The following TRPC4 variants were observed in gnomAD, a reference collection of about 807,000 sequenced individuals.
TRPC4 encodes transient receptor potential cation channel subfamily C member 4, also known as short transient receptor potential channel 4.
Under a neutral mutation model 99.4 loss-of-function variants are expected in TRPC4, and 49 were observed. The observed-to-expected ratio is 0.49, with a 90% CI of 0.39 to 0.63. The LOEUF (loss-of-function observed/expected upper bound fraction) is 0.63, where lower values mean the gene tolerates loss of function less well. Ranked by LOEUF, TRPC4 falls within the 20% of genes least tolerant of loss-of-function variation. The pLI, the probability that TRPC4 is intolerant of heterozygous loss-of-function variation, is 0.00. For missense variants in TRPC4, 898 were observed against 1,152.9 expected (o/e 0.78, Z 3.20); for synonymous variants, 454 against 425.9 (o/e 1.07, Z -0.81).
chr13:37,717,216 A>T (rs1052260452), intron 3 of TRPC4, among the ~76,000 whole-genome samples: 6 of 152,210 alleles, frequency 3.9e-5, no homozygotes, highest in African/African-American at 1.2e-4. Context: ...TTAGAGATTT[A>T]TACTGAAGCT....
intron 5 of TRPC4, among the ~76,000 whole-genome samples, chr13:37,664,048 T>C (rs1952547784): frequency 6.6e-6 from 1 of 152,210 alleles, no homozygotes; most frequent in African/African-American, 2.4e-5. Context: ...GCTGAATTGC[T>C]AACTTTTTAC....
At chr13:37,739,826 T>C (rs965894960) in intron 3 of TRPC4, among the ~76,000 whole-genome samples, 1 of 152,056 alleles carries the variant, frequency 6.6e-6, no homozygotes, top group Non-Finnish European at 1.5e-5. Flanking sequence ...TCAAACTTAT[T>C]TTTTAAAAAT....
intron 1 of TRPC4, among the ~76,000 whole-genome samples, chr13:37,835,949 T>A (rs897012023): frequency 3.9e-5 from 6 of 152,240 alleles, no homozygotes; most frequent in Admixed American, 2.6e-4. Flanking sequence ...AAATCTCATC[T>A]TAAATTCCTG....
chr13:37,766,111 T>G (rs1956358360), intron 2 of TRPC4, among the ~76,000 whole-genome samples: 1 of 151,482 alleles, frequency 6.6e-6, no homozygotes, highest in African/African-American at 2.4e-5. Flanking sequence ...GAAGCCTACA[T>G]GCAGTGAAAT....
At chr13:37,844,228 A>T (rs1342623616) in intron 1 of TRPC4, among the ~76,000 whole-genome samples, 1 of 152,216 alleles carries the variant, frequency 6.6e-6, no homozygotes, top group Non-Finnish European at 1.5e-5. Context: ...AATGGTGTCA[A>T]ACCAGAGAGA....
intron 2 of TRPC4, among the ~76,000 whole-genome samples, chr13:37,761,495 G>A (rs1301923673): frequency 6.6e-6 from 1 of 151,880 alleles, no homozygotes; most frequent in East Asian, 1.9e-4. Context: ...TTCTAGCTGT[G>A]ACAAAGCCAG....
chr13:37,639,598 T>A (rs999972232), intron 8 of TRPC4, among the ~76,000 whole-genome samples: 2 of 151,964 alleles, frequency 1.3e-5, no homozygotes, highest in Non-Finnish European at 2.9e-5. Flanking sequence ...CACTCAACAT[T>A]GACGGAATGA....
At chr13:37,650,054 T>G (rs979750332) in intron 8 of TRPC4, among the ~76,000 whole-genome samples, 2 of 152,170 alleles carry the variant, frequency 1.3e-5, no homozygotes, top group African/African-American at 4.8e-5. Flanking sequence ...TCTTTGGAAT[T>G]AGAGTTGTTA....
At chr13:37,663,352 T>C in intron 6 of TRPC4, 64 bp downstream of exon 6, 1 of 1,466,832 alleles carries the variant, frequency 6.8e-7, no homozygotes, top group Non-Finnish European at 9.1e-7. Flanking sequence ...GTTTTTCAAG[T>C]TTGTGATGTG....
At chr13:37,688,139 C>T (rs1005572817) in intron 4 of TRPC4, among the ~76,000 whole-genome samples, 17 of 152,084 alleles carry the variant, frequency 1.1e-4, no homozygotes, top group Admixed American at 1.3e-4. Flanking sequence ...AAGGAAAAGT[C>T]GATAACCTTC....
At chr13:37,844,364 G>A (rs549367302) in intron 1 of TRPC4, among the ~76,000 whole-genome samples, 9 of 151,654 alleles carry the variant, frequency 5.9e-5, no homozygotes, top group East Asian at 1.9e-4. Context: ...GCACAATCTC[G>A]GCTCACTGCA....
At chr13:37,701,394 T>A (rs535426712) in intron 3 of TRPC4, among the ~76,000 whole-genome samples, 1 of 152,222 alleles carries the variant, frequency 6.6e-6, no homozygotes, top group South Asian at 2.1e-4. Context: ...CTCATCTAGG[T>A]CTTTTATTTT....
At chr13:37,714,022 T>G (rs1954573742) in intron 3 of TRPC4, among the ~76,000 whole-genome samples, 1 of 152,136 alleles carries the variant, frequency 6.6e-6, no homozygotes, top group African/African-American at 2.4e-5. Context: ...CTTTTATTAC[T>G]GCACCCAAGC....
At chr13:37,797,653 T>C (rs1408558412) in intron 1 of TRPC4, among the ~76,000 whole-genome samples, 1 of 152,182 alleles carries the variant, frequency 6.6e-6, no homozygotes, top group Non-Finnish European at 1.5e-5. Context: ...CAGACATCAG[T>C]TATGCAAATC....
At chr13:37,771,265 A>G (rs2139291958) in intron 2 of TRPC4, among the ~76,000 whole-genome samples, 1 of 151,868 alleles carries the variant, frequency 6.6e-6, no homozygotes, top group African/African-American at 2.4e-5. Context: ...AGAAGAAATG[A>G]GAAAATACAT....
At chr13:37,687,889 G>A (rs1953542982) in intron 4 of TRPC4, among the ~76,000 whole-genome samples, 1 of 152,106 alleles carries the variant, frequency 6.6e-6, no homozygotes, top group South Asian at 2.1e-4. Flanking sequence ...TAGTTTAAGT[G>A]GGTAATTTGA....
chr13:37,782,152 A>G (rs1005739436), intron 2 of TRPC4, among the ~76,000 whole-genome samples: 1 of 152,112 alleles, frequency 6.6e-6, no homozygotes, highest in South Asian at 2.1e-4. Context: ...AGGATCAAAT[A>G]GATAATTCAG....
intron 4 of TRPC4, among the ~76,000 whole-genome samples, chr13:37,684,078 AT>A (rs1953364088): frequency 6.6e-6 from 1 of 152,224 alleles, no homozygotes; most frequent in African/African-American, 2.4e-5. Context: ...TTATATGATT[AT>A]GAAATTTGAC....
intron 3 of TRPC4, among the ~76,000 whole-genome samples, chr13:37,704,954 C>T (rs1954219419): frequency 9.9e-5 from 15 of 152,056 alleles, no homozygotes; most frequent in Admixed American, 9.2e-4. Flanking sequence ...AGGCATATAT[C>T]TATAAGAAGT....
Sources: gnomAD v4.1 joint callset for allele counts (sites outside exome capture counted in the v4.1 genomes callset) on GRCh38, gnomAD v4.1.1 for gene constraint, MANE v1.5 for transcripts, NCBI Gene and HGNC (gene_info 2026-07-23, HGNC 2026-07-21) for gene names.